WDR88: variants seen among roughly 807,000 people sequenced by gnomAD.
WDR88 encodes the protein WD repeat domain 88.
A neutral mutation model predicts 46.8 loss-of-function variants in WDR88; 40 were observed. The observed-to-expected ratio is 0.86, with a 90% CI of 0.66 to 1.11. WDR88 has a LOEUF of 1.11. Among genes scored for constraint, WDR88 ranks in the 50% most tolerant of loss-of-function variants. The pLI, the probability that WDR88 is intolerant of heterozygous loss-of-function variation, is 0.00. For missense variants in WDR88, 562 were observed against 602.4 expected (o/e 0.93, Z 0.70); for synonymous variants, 235 against 240.7 (o/e 0.98, Z 0.22).
At chr19:33,160,199 C>T (rs1186250708) in intron 7 of WDR88, among the ~76,000 whole-genome samples, 2 of 152,080 alleles carry the variant, frequency 1.3e-5, no homozygotes, top group East Asian at 3.9e-4. Flanking sequence ...AGTCTGTGGC[C>T]CAGGGACTGG....
At chr19:33,167,789 T>TCCTCTCCTCTCTCC in intron 9 of WDR88, among the ~76,000 whole-genome samples, 1 of 151,018 alleles carries the variant, frequency 6.6e-6, no homozygotes, top group Middle Eastern at 3.4e-3. Flanking sequence ...TCCTCTCTCT[T>TCCTCTCCTCTCTCC]TCTCTCTTTC....
intron 8 of WDR88, among the ~76,000 whole-genome samples, chr19:33,163,641 CT>C (rs557195235): frequency 0.01 from 1,445 of 139,954 alleles, 21 homozygotes; most frequent in African/African-American, 0.03. Flanking sequence ...CTGCTCTTTC[CT>C]TTTTTTTTTT....
Position 33,172,380 on chromosome 19 carries a change from A to T in WDR88, c.1182A>T (p.Glu394Asp). 8 of 1,614,072 alleles carry T rather than the reference A, an allele frequency of 5.0e-6. No homozygotes were observed. Among genetic ancestry groups the T allele is most frequent in the Non-Finnish European group, 6.8e-6 (8 of 1,179,994 alleles). ...DRTMRLWNIE[E>D]IDEIPLVIKY... Reference sequence around the variant, plus strand: ...CCATGAGACTGTGGAATATTGAAGAAATTGATGAAATTCCTTTGGTAATCA... The same window carrying T: ...CCATGAGACTGTGGAATATTGAAGATATTGATGAAATTCCTTTGGTAATCA... The change falls in exon 10 of 11, where the codon GAA becomes GAT. Residue 394 changes from glutamate (E) to aspartate (D), a missense_variant. Transcript: ENST00000355868.
chr19:33,161,399 TCCC>T, intron 8 of WDR88, among the ~76,000 whole-genome samples: 1 of 151,952 alleles, frequency 6.6e-6, no homozygotes, highest in African/African-American at 2.4e-5. Flanking sequence ...GTGCCCCTGT[TCCC>T]CCAAGGGGCC....
At chr19:33,174,521 T>G in intron 10 of WDR88, 1 of 985,198 alleles carries the variant, frequency 1.0e-6, no homozygotes, top group Non-Finnish European at 1.2e-6. Context: ...ATGGGTGAGC[T>G]GTGCCATTTG....
chr19:33,162,422 C>T (rs978238077), intron 8 of WDR88, among the ~76,000 whole-genome samples: 2 of 151,722 alleles, frequency 1.3e-5, no homozygotes, highest in African/African-American at 4.8e-5. Context: ...ACCATGTTAG[C>T]CAGGCTGGTC....
chr19:33,164,143 G>T, intron 8 of WDR88, 54 bp from the exon 9 acceptor site: 1 of 1,566,102 alleles, frequency 6.4e-7, no homozygotes, highest in East Asian at 2.2e-5. Context: ...TGTTTTTGTT[G>T]TTCTTTCAAA....
chr19:33,136,837 A>T (rs1267491860), intron 1 of WDR88, among the ~76,000 whole-genome samples: 1 of 152,132 alleles, frequency 6.6e-6, no homozygotes, highest in Admixed American at 6.6e-5. Context: ...TCAGCCTCCC[A>T]AAGTGCTGAG....
At chr19:33,151,444 G>A in intron 6 of WDR88, 134 bp downstream of exon 6, 1 of 1,151,320 alleles carries the variant, frequency 8.7e-7, no homozygotes, top group Non-Finnish European at 1.2e-6. Flanking sequence ...AGGAGGCTGG[G>A]GACAGGCAGG....
intron 6 of WDR88, among the ~76,000 whole-genome samples, chr19:33,153,050 T>G (rs1041015757): frequency 8.6e-5 from 13 of 151,276 alleles, no homozygotes; most frequent in African/African-American, 2.9e-4. Flanking sequence ...TTTCAATTCT[T>G]TTTATTTTAT....
chr19:33,151,002 G>A (rs1430618911), intron 5 of WDR88, among the ~76,000 whole-genome samples, 179 bp from the exon 6 acceptor site: 1 of 152,254 alleles, frequency 6.6e-6, no homozygotes, highest in African/African-American at 2.4e-5. Flanking sequence ...AACCTGCTGT[G>A]CTCCCGGTTC....
chr19:33,169,214 G>T (rs1021937624), intron 9 of WDR88, among the ~76,000 whole-genome samples: 1 of 152,108 alleles, frequency 6.6e-6, no homozygotes. Context: ...CAAAAGTATA[G>T]GCAATGAGAG....
chr19:33,151,115 G>A (rs776756472), intron 5 of WDR88, 66 bp from the exon 6 acceptor site: 30 of 1,555,636 alleles, frequency 1.9e-5, no homozygotes, highest in Middle Eastern at 1.8e-4. Flanking sequence ...TGGGGAAGTC[G>A]TGGGAGTCCT....
Position 33,172,440 on chromosome 19 carries a change from G to A in WDR88, c.1242G>A (p.Gln414=), listed in dbSNP as rs1420732200. The A allele has an allele frequency of 8.7e-6, 14 of 1,612,564 alleles. No homozygotes were observed. In the East Asian group the frequency reaches 3.1e-4, roughly 36 times the overall value. ...AGGCCGTGGGCTTAAAGTTGAAACA[G>A]GTTGGTATTGGGTAAAATTAAGCCC... The part of the protein sequence containing the change: ...YKKAVGLKLK[Q]CERCDRPFSI... The change falls in exon 10 of 11, where the codon CAG becomes CAA. Residue 414 remains glutamine, a splice_region_variant and synonymous_variant. Coordinates refer to ENST00000355868, the MANE Select transcript of WDR88 (RefSeq NM_173479.4).
At chr19:33,169,083 GA>G (rs1482911715) in intron 9 of WDR88, among the ~76,000 whole-genome samples, 1 of 152,146 alleles carries the variant, frequency 6.6e-6, no homozygotes, top group Admixed American at 6.6e-5. Flanking sequence ...ATACTGTATA[GA>G]AAAATTAACT....
At chr19:33,169,443 A>G (rs889414386) in intron 9 of WDR88, among the ~76,000 whole-genome samples, 4 of 152,206 alleles carry the variant, frequency 2.6e-5, no homozygotes, top group African/African-American at 9.7e-5. Context: ...TCGAATAGGC[A>G]TTTCTCCAAA....
intron 8 of WDR88, among the ~76,000 whole-genome samples, chr19:33,161,465 T>A (rs1973865706): frequency 6.6e-6 from 1 of 152,104 alleles, no homozygotes; most frequent in East Asian, 1.9e-4. Flanking sequence ...CACTGTCACC[T>A]TTGGCTGTGA....
chr19:33,172,448 T>G lies in WDR88; in HGVS notation c.1242+8T>G. 6.2e-7 allele frequency: 1 copy of G among 1,609,514 alleles called. No individual in the cohort carries two copies. The highest frequency in any genetic ancestry group is 8.5e-7 in the Non-Finnish European group (1 of 1,177,326). ...GGCTTAAAGTTGAAACAGGTTGGTA[T>G]TGGGTAAAATTAAGCCCAGTGAAGG... On this transcript the variant is annotated splice_region_variant and intron_variant, in intron 10 of 10. Coordinates refer to ENST00000355868, the MANE Select transcript of WDR88 (RefSeq NM_173479.4).
rs1974112473 is a variant in WDR88, at chr19:33,175,742, G to C, written c.*170G>C. ...CACAGTGCCACCTCCTCAGCTCTCA[G>C]CTTGGGGAGTGAACACTTTCCGTTT... On this transcript the variant is annotated 3_prime_UTR_variant, in exon 11 of 11. Coordinates refer to ENST00000355868, the MANE Select transcript of WDR88 (RefSeq NM_173479.4). The C allele has an allele frequency of 3.0e-6, 2 of 670,012 alleles. No individual in the cohort carries two copies. Among genetic ancestry groups the C allele is most frequent in the African/African-American group, 1.8e-5 (1 of 55,110 alleles). 41.5% of individuals were successfully genotyped at this position (670,012 alleles called of 1,614,324 possible).
Sources: allele counts gnomAD v4.1 joint callset (sites outside exome capture counted in the v4.1 genomes callset), GRCh38; gene constraint gnomAD v4.1.1; transcripts MANE v1.5; gene names NCBI Gene and HGNC (gene_info 2026-07-23, HGNC 2026-07-21).